KSR2: variants seen among roughly 807,000 people sequenced by gnomAD.
The protein encoded by KSR2 is kinase suppressor of ras 2.
In KSR2, 25 loss-of-function variants were observed where a neutral mutation model predicts 107.8. The observed-to-expected ratio is 0.23, with a 90% CI of 0.17 to 0.32. The LOEUF (loss-of-function observed/expected upper bound fraction) is 0.32, where lower values mean the gene tolerates loss of function less well. Ranked by LOEUF, KSR2 falls within the 10% of genes least tolerant of loss-of-function variation. The pLI, the probability that KSR2 is intolerant of heterozygous loss-of-function variation, is 1.00. For missense variants in KSR2, 887 were observed against 1,268.9 expected, an observed-to-expected ratio of 0.70 and a Z score of 4.57; for synonymous variants, 480 against 507.0, an observed-to-expected ratio of 0.95 and a Z score of 0.71.
At chr12:117,559,592 G>A (rs1877967152) in intron 7 of KSR2, among the ~76,000 whole-genome samples, 1 of 152,146 alleles carries the variant, frequency 6.6e-6, no homozygotes, top group South Asian at 2.1e-4. Flanking sequence ...TCACGCTGTA[G>A]GACACATTCA....
At chr12:117,943,094 GT>G (rs1896061026) in intron 1 of KSR2, among the ~76,000 whole-genome samples, 1 of 152,102 alleles carries the variant, frequency 6.6e-6, no homozygotes, top group South Asian at 2.1e-4. Flanking sequence ...AAACATACAT[GT>G]TTGCATGAGG....
At chr12:117,925,763 C>T (rs1369902959) in intron 1 of KSR2, among the ~76,000 whole-genome samples, 1 of 152,164 alleles carries the variant, frequency 6.6e-6, no homozygotes, top group Non-Finnish European at 1.5e-5. Context: ...CTCAAAGACG[C>T]ATGGCTAGTA....
At chr12:117,642,622 T>C (rs1883429683) in intron 5 of KSR2, among the ~76,000 whole-genome samples, 1 of 152,220 alleles carries the variant, frequency 6.6e-6, no homozygotes, top group African/African-American at 2.4e-5. Context: ...CAAAGGTTGT[T>C]ACAAAGAAGA....
intron 1 of KSR2, among the ~76,000 whole-genome samples, chr12:117,928,040 T>C (rs944650396): frequency 2.0e-5 from 3 of 152,146 alleles, no homozygotes; most frequent in Admixed American, 6.6e-5. Flanking sequence ...TTTCTGTCTC[T>C]GATTTTGACT....
rs368012911 is a variant in KSR2, at chr12:117,555,256, A to G, written c.1431T>C (p.Cys477=). ...ARLVRTESVP[C]DINNPLRKPP... ...GCTTCCGTAGAGGGTTGTTGATGTC[A>G]CACGGAACGGACTCTGTCCGGACTA... is the stretch of plus-strand genomic sequence containing the variant. The change falls in exon 9 of 20, where the codon TGT becomes TGC. Residue 477 remains cysteine (C), a synonymous_variant. Coordinates refer to ENST00000339824, the MANE Select transcript of KSR2 (RefSeq NM_173598.6). 9.0e-5 allele frequency: 145 copies of G among 1,613,928 alleles called. No homozygotes were observed. The African/African-American group carries it at 1.9e-3, about 21-fold the overall frequency.
chr12:117,852,201 T>C (rs1026887680), intron 3 of KSR2, among the ~76,000 whole-genome samples: 2 of 151,832 alleles, frequency 1.3e-5, no homozygotes, highest in East Asian at 1.9e-4. Context: ...GGCAGGCGGA[T>C]TGCCTGAGCT....
intron 4 of KSR2, among the ~76,000 whole-genome samples, chr12:117,714,068 A>AG (rs1320306084): frequency 6.0e-5 from 9 of 150,814 alleles, no homozygotes; most frequent in African/African-American, 1.7e-4. Flanking sequence ...GGATGGAGTG[A>AG]GGGGGGGAGC....
intron 5 of KSR2, among the ~76,000 whole-genome samples, chr12:117,640,050 A>G (rs1440141258): frequency 6.6e-6 from 1 of 152,110 alleles, no homozygotes; most frequent in East Asian, 1.9e-4. Flanking sequence ...AACCCAGCCA[A>G]CATTGCACAG....
intron 4 of KSR2, among the ~76,000 whole-genome samples, chr12:117,721,399 T>C (rs1887199789): frequency 6.6e-6 from 1 of 152,224 alleles, no homozygotes; most frequent in African/African-American, 2.4e-5. Context: ...TAGAAGGCTA[T>C]ATGGTCAGAA....
At chr12:117,626,506 T>C (rs1448292589) in intron 5 of KSR2, among the ~76,000 whole-genome samples, 2 of 152,236 alleles carry the variant, frequency 1.3e-5, no homozygotes, top group African/African-American at 4.8e-5. Flanking sequence ...TCCATGTAGT[T>C]GTGCAGTTTT....
intron 6 of KSR2, among the ~76,000 whole-genome samples, chr12:117,581,058 A>C (rs186215704): frequency 4.2e-4 from 64 of 152,352 alleles, no homozygotes; most frequent in African/African-American, 1.5e-3. Context: ...CTGCAGCTCA[A>C]GGCCTGACCA....
chr12:117,570,193 G>A (rs1237918696), intron 7 of KSR2, among the ~76,000 whole-genome samples: 3 of 152,080 alleles, frequency 2.0e-5, no homozygotes, highest in Admixed American at 2.0e-4. Context: ...CAGTAGAGAC[G>A]GGGTTTCACT....
At chr12:117,831,697 T>G (rs1320802211) in intron 3 of KSR2, among the ~76,000 whole-genome samples, 1 of 152,232 alleles carries the variant, frequency 6.6e-6, no homozygotes, top group African/African-American at 2.4e-5. Flanking sequence ...TGATTTCACT[T>G]AATCCTCAAA....
At chr12:117,536,574 G>C (rs999291440) in intron 10 of KSR2, among the ~76,000 whole-genome samples, 1 of 151,900 alleles carries the variant, frequency 6.6e-6, no homozygotes, top group Non-Finnish European at 1.5e-5. Flanking sequence ...TATGCACACT[G>C]GTACACAGAC....
chr12:117,731,281 CGTCTGGG>C (rs1887678682), intron 4 of KSR2, among the ~76,000 whole-genome samples: 1 of 150,498 alleles, frequency 6.6e-6, no homozygotes, highest in African/African-American at 2.5e-5. Context: ...GCAGCCGCCC[CGTCTGGG>C]AAGTGAGGAG....
chr12:117,820,871 C>T (rs1336690095), intron 3 of KSR2, among the ~76,000 whole-genome samples: 1 of 152,174 alleles, frequency 6.6e-6, no homozygotes, highest in Non-Finnish European at 1.5e-5. Context: ...AGCAAGAGAA[C>T]TTTCAAGTTC....
intron 5 of KSR2, among the ~76,000 whole-genome samples, chr12:117,604,583 A>G (rs534063162): frequency 6.6e-6 from 1 of 152,308 alleles, no homozygotes; most frequent in East Asian, 1.9e-4. Context: ...GTTAGACAAT[A>G]AAAAGGCAAG....
chr12:117,680,326 T>A (rs622688), intron 4 of KSR2, among the ~76,000 whole-genome samples: 2 of 152,222 alleles, frequency 1.3e-5, no homozygotes, highest in Non-Finnish European at 1.5e-5. Context: ...TAAAGCAAGA[T>A]AAAATTGAAT....
chr12:117,576,860 T>C (rs76309505), intron 7 of KSR2, among the ~76,000 whole-genome samples: 4,423 of 148,956 alleles, frequency 0.03, 221 homozygotes, highest in African/African-American at 0.1. Flanking sequence ...CTCACGATGT[T>C]GCCAAAGCTG....
Sources: gnomAD v4.1 joint callset for allele counts (sites outside exome capture counted in the v4.1 genomes callset) on GRCh38, gnomAD v4.1.1 for gene constraint, MANE v1.5 for transcripts, NCBI Gene and HGNC (gene_info 2026-07-23, HGNC 2026-07-21) for gene names.